The following OGT variants were observed in gnomAD, a reference collection of about 807,000 sequenced individuals.
The protein encoded by OGT is O-linked N-acetylglucosamine (GlcNAc) transferase.
A neutral mutation model predicts 75.8 loss-of-function variants in OGT; 3 were observed. The observed-to-expected ratio is 0.04, with a 90% CI of 0.02 to 0.10. The LOEUF (loss-of-function observed/expected upper bound fraction) is 0.10, where lower values mean the gene tolerates loss of function less well. Among genes scored for constraint, OGT ranks in the 10% least tolerant of loss-of-function variants. The pLI is 1.00. For synonymous variants in OGT, 257 were observed against 289.7 expected (o/e 0.89, Z 1.15); for missense variants, 260 against 824.4 (o/e 0.32, Z 8.38).
intron 17 of OGT, 23 bp from the exon 18 acceptor site, chrX:71,563,306 C>T (rs2040396460): frequency 8.3e-7 from 1 of 1,205,247 alleles, no homozygotes; most frequent in Non-Finnish European, 1.1e-6. Context: ...GATCTTTTCC[C>T]TAATGATGCA....
Position 71,554,612 on chromosome X carries a change from A to C in OGT, c.728+20A>C, listed in dbSNP as rs1167479816. On this transcript the variant is annotated intron_variant, in intron 6 of 21. Coordinates refer to ENST00000373719, the MANE Select transcript of OGT (RefSeq NM_181672.3). The stretch of plus-strand genomic sequence containing the variant: ...TGACAGGTGAGAGAATGTTCTGTTT[A>C]ATAAATTTTCTTGAATCTTTGTTGT... 8.7e-7 allele frequency: 1 copy of C among 1,143,180 alleles called. No homozygotes were observed. The highest frequency in any genetic ancestry group is 1.2e-6 in the Non-Finnish European group (1 of 834,799). 94.2% of individuals were successfully genotyped at this position (1,143,180 alleles called of 1,213,427 possible).
At chrX:71,573,034 T>G (rs993504595) in intron 21 of OGT, among the ~76,000 whole-genome samples, 6 of 111,788 alleles carry the variant, frequency 5.4e-5, no homozygotes, top group Non-Finnish European at 1.1e-4. Context: ...ATTACGAGAG[T>G]AGACTTATTG....
intron 4 of OGT, chrX:71,546,251 A>T (rs2040258768): frequency 1.3e-6 from 1 of 754,078 alleles, no homozygotes; most frequent in Non-Finnish European, 1.6e-6. Flanking sequence ...TAGACATCCA[A>T]AGAATTTCAA....
intron 6 of OGT, 145 bp from the exon 7 acceptor site, chrX:71,555,045 A>G (rs1249401460): frequency 2.3e-6 from 1 of 434,936 alleles, no homozygotes; most frequent in Admixed American, 4.8e-5. Flanking sequence ...AGCATGAATT[A>G]TGTAATTAAT....
intron 1 of OGT, among the ~76,000 whole-genome samples, chrX:71,535,586 G>A (rs1267355050): frequency 9.0e-6 from 1 of 111,425 alleles, no homozygotes; most frequent in Non-Finnish European, 1.9e-5. Context: ...CCTTAGGCTC[G>A]TTTCTACTTG....
intron 19 of OGT, among the ~76,000 whole-genome samples, chrX:71,566,801 A>G (rs2040419649): frequency 8.9e-6 from 1 of 112,788 alleles, no homozygotes; most frequent in Admixed American, 9.4e-5. Context: ...ACATACACAC[A>G]CAGTACTACT....
rs183465228 is a variant in OGT, at chrX:71,564,485, G to A, written c.2437-116G>A. ...CCTTTTCTTAAACTTCATATATCATGAATATTTTCTCATGGTTCAGTGACT... is the reference window on the plus strand; with the variant it reads ...CCTTTTCTTAAACTTCATATATCATAAATATTTTCTCATGGTTCAGTGACT... On this transcript the variant is annotated intron_variant, in intron 18 of 21. Coordinates refer to ENST00000373719, the MANE Select transcript of OGT (RefSeq NM_181672.3). The A allele has an allele frequency of 2.1e-4, 124 of 580,219 alleles. No individual in the cohort carries two copies. The African/African-American group carries it at 2.5e-3, about 12-fold the overall frequency. 47.8% of individuals were successfully genotyped at this position (580,219 alleles called of 1,213,427 possible).
Position 71,559,436 on chromosome X carries a change from T to C in OGT, c.1761+11T>C, listed in dbSNP as rs377171968. 1 of 1,195,630 alleles carries C rather than the reference T, an allele frequency of 8.4e-7. No homozygotes were observed. The highest frequency in any genetic ancestry group is 1.1e-6 in the Non-Finnish European group (1 of 884,763). On this transcript the variant is annotated intron_variant, in intron 13 of 21. Coordinates refer to ENST00000373719, the MANE Select transcript of OGT (RefSeq NM_181672.3). ...CCTGATAAATTTGAGGTAAGACTAGTGTTTCTCTAGAATCACTATTTGTTT... is the reference window on the plus strand; with the variant it reads ...CCTGATAAATTTGAGGTAAGACTAGCGTTTCTCTAGAATCACTATTTGTTT...
chrX:71,556,649 TAACCTCAG>T, intron 8 of OGT, 23 bp from the exon 9 acceptor site: 1 of 972,350 alleles, frequency 1.0e-6, no homozygotes, highest in African/African-American at 1.9e-5. Context: ...GCAATTTTTT[TAACCTCAG>T]TTCTGATCTT....
At chrX:71,573,354 G>A (rs567850614) in intron 21 of OGT, among the ~76,000 whole-genome samples, 2 of 112,221 alleles carry the variant, frequency 1.8e-5, no homozygotes, top group South Asian at 3.7e-4. Flanking sequence ...GAAACAAGAC[G>A]AAATGGAGAA....
chrX:71,563,225 A>G lies in OGT; in HGVS notation c.2244A>G (p.Leu748=). 2.5e-6 allele frequency: 3 copies of G among 1,209,137 alleles called. No homozygotes were observed. Among genetic ancestry groups the G allele is most frequent in the Non-Finnish European group, 2.2e-6 (2 of 892,908 alleles). The change falls in exon 17 of 22, where the codon CTA becomes CTG. Residue 748 remains leucine (L), a synonymous_variant. Transcript: ENST00000373719. ...GIDLKAFLDS[L]PDVKIVKMKC... ...ACCTCAAAGCATTTCTTGATAGTCTACCAGATGTGAAAATTGTCAAGGTCA... is the reference window on the plus strand; with the variant it reads ...ACCTCAAAGCATTTCTTGATAGTCTGCCAGATGTGAAAATTGTCAAGGTCA...
At position 71,574,348 on chromosome X, in the gene OGT, G is replaced by T. The variant is rs909764491; in HGVS notation, c.*554G>T. The T allele has an allele frequency of 1.8e-5, 2 of 111,662 alleles. No homozygotes were observed. Among genetic ancestry groups the T allele is most frequent in the African/African-American group, 6.5e-5 (2 of 30,595 alleles). 9.2% of individuals were successfully genotyped at this position (111,662 alleles called of 1,213,427 possible). ...TTTATAGGTTTTATAAACCACTTGA[G>T]CCTATATCAGTCGTTTTAGTGTCTG... is the stretch of plus-strand genomic sequence containing the variant. On this transcript the variant is annotated 3_prime_UTR_variant, in exon 22 of 22. Transcript: ENST00000373719.
intron 19 of OGT, among the ~76,000 whole-genome samples, chrX:71,566,332 A>C (rs2147692499): frequency 8.9e-6 from 1 of 112,171 alleles, no homozygotes; most frequent in Admixed American, 9.5e-5. Flanking sequence ...ATGCTGCTAT[A>C]AAGGACTGCC....
intron 7 of OGT, chrX:71,555,676 T>C: frequency 2.5e-6 from 1 of 399,536 alleles, no homozygotes; most frequent in Non-Finnish European, 4.3e-6. Flanking sequence ...TGGGCCATGA[T>C]TGTGCCACAG....
At chrX:71,542,126 GT>G (rs1408268986) in intron 3 of OGT, among the ~76,000 whole-genome samples, 4 of 112,084 alleles carry the variant, frequency 3.6e-5, no homozygotes, top group Non-Finnish European at 7.5e-5. Context: ...TTTCCCTATA[GT>G]TCCAGGCATG....
At position 71,574,988 on chromosome X, in the gene OGT, T is replaced by C. The variant is rs2040485807; in HGVS notation, c.*1194T>C. On this transcript the variant is annotated 3_prime_UTR_variant, in exon 22 of 22. Transcript: ENST00000373719. Reference sequence around the variant, plus strand: ...GTCTTCTGGACTTGGTCTTGAAGTCTGTACAGATTCAGCCTCAGTAGTAGC... The same window carrying C: ...GTCTTCTGGACTTGGTCTTGAAGTCCGTACAGATTCAGCCTCAGTAGTAGC... 1 of 111,768 alleles carries C rather than the reference T, an allele frequency of 8.9e-6. No individual in the cohort carries two copies. Among genetic ancestry groups the C allele is most frequent in the Non-Finnish European group, 1.9e-5 (1 of 53,174 alleles). The allele number at this position is 111,768 out of a possible 1,213,427, so 9.2% of individuals were successfully genotyped here.
In OGT at chrX:71,555,944, T is replaced by C; in HGVS notation, c.925-10T>C. The C allele has an allele frequency of 1.7e-6, 2 of 1,209,804 alleles. No homozygotes were observed. Among genetic ancestry groups the C allele is most frequent in the Non-Finnish European group, 2.2e-6 (2 of 894,467 alleles). ...TGTACAGTTTTTGAAGACTTTGTTT[T>C]GTTTTCTAGGTTGCTGAAGCAGAAG... On this transcript the variant is annotated splice_polypyrimidine_tract_variant and intron_variant, in intron 7 of 21. Coordinates refer to ENST00000373719, the MANE Select transcript of OGT (RefSeq NM_181672.3).
chrX:71,551,822 A>C lies in OGT; in HGVS notation c.649-2691A>C, dbSNP rs893020655. Among the ~76,000 whole-genome samples the C allele has an allele frequency of 2.7e-5, 3 of 111,742 alleles. 1 individual carries two copies. In the Admixed American group the frequency reaches 2.9e-4, roughly 11 times the overall value. On this transcript the variant is annotated intron_variant, in intron 5 of 21. Coordinates refer to ENST00000373719, the MANE Select transcript of OGT (RefSeq NM_181672.3). ...ATATACACGGGACAGGAAACATGTT[A>C]AAGGACACCATAGGGATGCAGTCAG...
chrX:71,533,294 C>T lies in OGT; in HGVS notation c.-6C>T. ...CTCTTTTTTGCTCTCCCTCGAGAAG[C>T]TCCAGATGGCGTCTTCCGTGGGCAA... On this transcript the variant is annotated 5_prime_UTR_variant, in exon 1 of 22. Transcript: ENST00000373719. 1 of 1,199,191 alleles carries T rather than the reference C, an allele frequency of 8.3e-7. No homozygotes were observed.
Sources: allele counts gnomAD v4.1 joint callset (sites outside exome capture counted in the v4.1 genomes callset), GRCh38; gene constraint gnomAD v4.1.1; transcripts MANE v1.5; gene names NCBI Gene and HGNC (gene_info 2026-07-23, HGNC 2026-07-21).